The following ZP2 variants were observed in gnomAD, a reference collection of about 807,000 sequenced individuals.
ZP2 encodes zona pellucida sperm-binding protein 2.
A neutral mutation model predicts 84.0 loss-of-function variants in ZP2; 51 were observed. The ratio of observed to expected loss-of-function variants is 0.61; its 90% CI spans 0.49 to 0.77. The LOEUF is 0.77. ZP2 is among the 30% of genes least tolerant of loss of function. The pLI is 0.00. For missense variants in ZP2, 909 were observed against 911.9 expected (o/e 1.00, Z 0.04); for synonymous variants, 375 against 330.9 (o/e 1.13, Z -1.45).
At chr16:21,199,702 C>A (rs777359147) in intron 15 of ZP2, 36 bp from the exon 16 acceptor site, 1 of 1,612,932 alleles carries the variant, frequency 6.2e-7, no homozygotes, top group Non-Finnish European at 8.5e-7. Context: ...AATCGATGCA[C>A]TAACATTTAA....
intron 9 of ZP2, 179 bp downstream of exon 9, chr16:21,203,851 A>C: frequency 1.5e-6 from 1 of 652,122 alleles, no homozygotes; most frequent in Non-Finnish European, 2.6e-6. Context: ...TAGAGAATGA[A>C]CTTTAGTTAC....
Position 21,201,543 on chromosome 16 carries a change from T to G in ZP2, c.1520A>C (p.Gln507Pro). 1 of 1,608,298 alleles carries G rather than the reference T, an allele frequency of 6.2e-7. No individual in the cohort carries two copies. Among genetic ancestry groups the G allele is most frequent in the Non-Finnish European group, 8.5e-7 (1 of 1,176,904 alleles). Residue 507 changes from glutamine (Q) to proline (P), a missense_variant, in exon 14 of 19, where the codon CAA becomes CCA. Coordinates refer to ENST00000574091, the MANE Select transcript of ZP2 (RefSeq NM_001376232.1). Reference protein sequence around the residue: ...LQSYPDNSYQQPYGENEYPLV... With the variant: ...LQSYPDNSYQPPYGENEYPLV... ...AGGGTACTCGTTTTCCCCATAAGGT[T>G]GTTGGTAGGAATTATCTGAAATTGA...
At chr16:21,203,886 A>T in intron 9 of ZP2, 144 bp downstream of exon 9, 3 of 789,518 alleles carry the variant, frequency 3.8e-6, no homozygotes, top group Non-Finnish European at 4.1e-6. Context: ...ATACAAGATG[A>T]TCAAATGAGG....
At chr16:21,198,466 A>ATCCTC (rs1656756837) in intron 17 of ZP2, among the ~76,000 whole-genome samples, 1 of 152,178 alleles carries the variant, frequency 6.6e-6, no homozygotes, top group Non-Finnish European at 1.5e-5. Flanking sequence ...GATATCCATG[A>ATCCTC]ATGAGGATCA....
rs1279538323 is a variant in ZP2 at position 21,201,359 on chromosome 16, G to A, written c.1694+10C>T. The A allele has an allele frequency of 1.3e-6, 2 of 1,550,212 alleles. No individual in the cohort carries two copies. The highest frequency in any genetic ancestry group is 1.7e-6 in the Non-Finnish European group (2 of 1,148,118). On this transcript the variant is annotated intron_variant, in intron 14 of 18. Coordinates refer to ENST00000574091, the MANE Select transcript of ZP2 (RefSeq NM_001376232.1). ...TAGCTGGGTAACCTGATAGTACAGG[G>A]AGTACCTACCCATCCACGACAACGT...
chr16:21,214,297 C>T (rs191975370), upstream of ZP2: 57 of 985,306 alleles, frequency 5.8e-5, 2 homozygotes, highest in Admixed American at 2.2e-3. Context: ...GCATCCATGT[C>T]TAGGATTCTG....
intron 6 of ZP2, 70 bp downstream of exon 6, chr16:21,205,661 T>TA (rs2093246312): frequency 1.2e-6 from 2 of 1,612,734 alleles, no homozygotes; most frequent in Admixed American, 1.7e-5. Context: ...TTTATCAGGT[T>TA]AAAGGTAATA....
At chr16:21,212,140 G>C (rs1413732990), upstream of ZP2, among the ~76,000 whole-genome samples, 7 of 152,044 alleles carry the variant, frequency 4.6e-5, no homozygotes, top group Admixed American at 4.6e-4. Context: ...GTTGGTCAGG[G>C]TGGTCTCGAA....
upstream of ZP2, among the ~76,000 whole-genome samples, chr16:21,211,940 T>C (rs1308776484): frequency 4.6e-5 from 7 of 152,048 alleles, no homozygotes; most frequent in African/African-American, 1.7e-4. Context: ...TTTTTTTTTT[T>C]TTTTTGAGAT....
At position 21,201,849 on chromosome 16, in the gene ZP2, AAGGT is replaced by A; in HGVS notation, c.1380-23_1380-20del. 6.2e-7 allele frequency: 1 copy of A among 1,613,892 alleles called. No homozygotes were observed. The highest frequency in any genetic ancestry group is 8.5e-7 in the Non-Finnish European group (1 of 1,179,850). On this transcript the variant is annotated intron_variant, in intron 12 of 18. Transcript: ENST00000574091. Reference sequence around the variant, plus strand: ...TGTCATTCTGTAAGAGTTTGGAGGGAAGGTAGGTACAGAAAATTTCAGGTTAAAA... The same window carrying A: ...TGTCATTCTGTAAGAGTTTGGAGGGAAGGTACAGAAAATTTCAGGTTAAAA...
chr16:21,207,251 A>G (rs1371597441), intron 4 of ZP2, among the ~76,000 whole-genome samples: 1 of 152,094 alleles, frequency 6.6e-6, no homozygotes, highest in Non-Finnish European at 1.5e-5. Flanking sequence ...TCTCAGTACC[A>G]TGGTCCTGGC....
chr16:21,205,842 A>G (rs1490274589), intron 5 of ZP2, 67 bp from the exon 6 acceptor site: 3 of 1,549,546 alleles, frequency 1.9e-6, no homozygotes, highest in Middle Eastern at 1.7e-4. Flanking sequence ...TCATGCCAGA[A>G]ATTGCTGTGT....
intron 10 of ZP2, among the ~76,000 whole-genome samples, chr16:21,202,922 A>C (rs2093232667): frequency 6.6e-6 from 1 of 152,212 alleles, no homozygotes; most frequent in South Asian, 2.1e-4. Context: ...AGCAGTTGCC[A>C]TAAAACCTAC....
upstream of ZP2, chr16:21,214,170 C>A: frequency 1.1e-6 from 1 of 915,474 alleles, no homozygotes; most frequent in Non-Finnish European, 1.3e-6. Context: ...GTGAGAAAGC[C>A]CGCTGTGGGC....
rs555971006 is a variant in ZP2 at position 21,197,472 on chromosome 16, A to G, written c.*8T>C. On this transcript the variant is annotated 3_prime_UTR_variant, in exon 19 of 19. Transcript: ENST00000574091. ...GGCTTATTTTGACTGCTTTATTTAG[A>G]AGCCCATTTAGTGATTTGACACAGT... 8.7e-6 allele frequency: 14 copies of G among 1,613,862 alleles called. No individual in the cohort carries two copies. In the East Asian group the frequency reaches 2.5e-4, roughly 28 times the overall value.
rs760678385 is a variant in ZP2 at position 21,202,041 on chromosome 16, G to A, written c.1288-18C>T. 6.2e-7 allele frequency: 1 copy of A among 1,613,840 alleles called. No homozygotes were observed. Among genetic ancestry groups the A allele is most frequent in the Non-Finnish European group, 8.5e-7 (1 of 1,179,760 alleles). On this transcript the variant is annotated intron_variant, in intron 11 of 18. Transcript: ENST00000574091. ...TCTTCGAACTTAAATGTCAGAGAAA[G>A]TGGGTTAGCAGCCAGTTATGTCAAA...
upstream of ZP2, among the ~76,000 whole-genome samples, chr16:21,212,946 T>C (rs1161746121): frequency 6.6e-6 from 1 of 152,166 alleles, no homozygotes; most frequent in Non-Finnish European, 1.5e-5. Flanking sequence ...TGTTCCAAAA[T>C]AGGTGGATAT....
At chr16:21,207,308 G>C (rs551184061) in intron 4 of ZP2, among the ~76,000 whole-genome samples, 3 of 152,208 alleles carry the variant, frequency 2.0e-5, no homozygotes, top group Non-Finnish European at 4.4e-5. Flanking sequence ...CTGAATACTT[G>C]TTAAGCACCT....
At chr16:21,205,849 G>T in intron 5 of ZP2, 74 bp from the exon 6 acceptor site, 1 of 1,514,950 alleles carries the variant, frequency 6.6e-7, no homozygotes, top group Non-Finnish European at 9.1e-7. Context: ...AGAAATTGCT[G>T]TGTGGTTGTC....
Sources: allele counts gnomAD v4.1 joint callset (sites outside exome capture counted in the v4.1 genomes callset), GRCh38; gene constraint gnomAD v4.1.1; transcripts MANE v1.5; gene names NCBI Gene and HGNC (gene_info 2026-07-23, HGNC 2026-07-21).